FHOD3: variants seen among roughly 807,000 people sequenced by gnomAD.
The protein encoded by FHOD3 is FH1/FH2 domain-containing protein 3.
FHOD3 carries 90 observed loss-of-function variants against 173.0 expected under a neutral mutation model. The ratio of observed to expected loss-of-function variants is 0.52; its 90% confidence interval spans 0.44 to 0.62. The LOEUF (loss-of-function observed/expected upper bound fraction) is 0.62, where lower values mean the gene tolerates loss of function less well. FHOD3 is among the 20% of genes least tolerant of loss of function. The pLI is 0.00. For synonymous variants in FHOD3, 828 were observed against 823.0 expected, an observed-to-expected ratio of 1.01 and a Z score of -0.10; for missense variants, 1,945 against 2,034.7, an observed-to-expected ratio of 0.96 and a Z score of 0.85.
intron 5 of FHOD3, among the ~76,000 whole-genome samples, chr18:36,570,402 C>A (rs2058412926): frequency 1.3e-5 from 2 of 152,074 alleles, no homozygotes; most frequent in Admixed American, 1.3e-4. Flanking sequence ...ATTTAATTTG[C>A]AGTTAACCTT....
chr18:36,747,068 G>A lies in FHOD3; in HGVS notation c.4165G>A (p.Glu1389Lys), dbSNP rs777048502. Residue 1389 changes from glutamate to lysine, a missense_variant, in exon 24 of 29, where the codon GAG becomes AAG. Around this residue, in one of 5 missense-constraint regions of FHOD3, gnomAD observed 354 missense variants for 359.9 expected, o/e 0.98. Transcript: ENST00000590592. The stretch of plus-strand genomic sequence containing the variant: ...ACCAGTTTTAAAACAACGGATGTCA[G>A]AGTTCCTGAAAGACTGTGCAGAGCG... ...MKPVLKQRMS[E>K]FLKDCAERII... is the part of the protein sequence containing the mutation. 2 of 1,614,146 alleles carry A rather than the reference G, an allele frequency of 1.2e-6. No homozygotes were observed. The highest frequency in any genetic ancestry group is 1.7e-6 in the Non-Finnish European group (2 of 1,180,012).
intron 3 of FHOD3, among the ~76,000 whole-genome samples, chr18:36,434,889 G>C (rs1488784375): frequency 6.6e-6 from 1 of 151,646 alleles, no homozygotes; most frequent in African/African-American, 2.4e-5. Context: ...TAACCTTATA[G>C]CCTGCAATTT....
chr18:36,722,025 A>G (rs1001845890), intron 19 of FHOD3, among the ~76,000 whole-genome samples: 1 of 152,204 alleles, frequency 6.6e-6, no homozygotes, highest in African/African-American at 2.4e-5. Flanking sequence ...AAAAAATGAT[A>G]AGACTGAAAA....
At chr18:36,460,646 G>C (rs1407596022) in intron 3 of FHOD3, among the ~76,000 whole-genome samples, 1 of 152,220 alleles carries the variant, frequency 6.6e-6, no homozygotes, top group African/African-American at 2.4e-5. Context: ...CCAGTTGATA[G>C]ACAAGGCCCT....
intron 6 of FHOD3, among the ~76,000 whole-genome samples, chr18:36,590,501 G>A (rs2059179668): frequency 1.3e-5 from 2 of 152,228 alleles, no homozygotes; most frequent in African/African-American, 4.8e-5. Flanking sequence ...GTATGTCCTT[G>A]AAATTAGTAC....
chr18:36,716,398 G>A (rs905573495), intron 18 of FHOD3, among the ~76,000 whole-genome samples: 2 of 152,230 alleles, frequency 1.3e-5, no homozygotes, highest in Admixed American at 1.3e-4. Flanking sequence ...TGACTCTGAG[G>A]TTTTTGGAAT....
Position 36,718,143 on chromosome 18 carries a change from C to G in FHOD3, c.2845C>G (p.Leu949Val), listed in dbSNP as rs747477675. The G allele has an allele frequency of 6.2e-6, 10 of 1,607,630 alleles. No homozygotes were observed. The East Asian group carries it at 1.6e-4, about 25-fold the overall frequency. ...TGCTGAGAAATTCAACAGTGGGGAC[C>G]TGGGGAGAGGTTCCATCTCCCCTGA... The part of the protein sequence containing the change: ...AFAEKFNSGD[L>V]GRGSISPDAE... Residue 949 changes from leucine to valine, a missense_variant, in exon 19 of 29, where the codon CTG becomes GTG. Leu to Val is a conservative substitution (Grantham distance 32, BLOSUM62 1). Transcript: ENST00000590592.
intron 5 of FHOD3, among the ~76,000 whole-genome samples, chr18:36,571,471 C>A (rs2058450250): frequency 6.6e-6 from 1 of 152,214 alleles, no homozygotes; most frequent in Non-Finnish European, 1.5e-5. Flanking sequence ...TATAGATTAA[C>A]ATTATTTCCA....
intron 14 of FHOD3, among the ~76,000 whole-genome samples, chr18:36,679,684 A>AT (rs1341367931): frequency 2.0e-5 from 3 of 151,420 alleles, no homozygotes; most frequent in Admixed American, 1.3e-4. Flanking sequence ...AATTATATGG[A>AT]TTTTTTTCAA....
intron 6 of FHOD3, among the ~76,000 whole-genome samples, chr18:36,586,243 T>C (rs576541804): frequency 1.4e-4 from 21 of 152,324 alleles, no homozygotes; most frequent in African/African-American, 4.8e-4. Flanking sequence ...AAGAATCAGA[T>C]TGACCTGGGT....
At chr18:36,492,254 C>T (rs2054509523) in intron 3 of FHOD3, among the ~76,000 whole-genome samples, 1 of 152,094 alleles carries the variant, frequency 6.6e-6, no homozygotes, top group Non-Finnish European at 1.5e-5. Context: ...TCCATGTCAC[C>T]TCATCTGAAC....
intron 3 of FHOD3, among the ~76,000 whole-genome samples, chr18:36,389,782 A>C (rs776332989): frequency 6.6e-6 from 1 of 152,058 alleles, no homozygotes; most frequent in Non-Finnish European, 1.5e-5. Context: ...TGTGTCTTCT[A>C]TGCACTCCCC....
intron 13 of FHOD3, among the ~76,000 whole-genome samples, chr18:36,656,541 G>T (rs572258483): frequency 6.6e-6 from 1 of 151,992 alleles, no homozygotes; most frequent in African/African-American, 2.4e-5. Context: ...GATGCGGGTC[G>T]TATCAATATT....
At chr18:36,653,197 G>C in intron 12 of FHOD3, 145 bp from the exon 13 acceptor site, 1 of 714,582 alleles carries the variant, frequency 1.4e-6, no homozygotes, top group Non-Finnish European at 2.3e-6. Context: ...TTAAATGTAA[G>C]GTTTACATGT....
chr18:36,343,476 G>A (rs1222205990), intron 1 of FHOD3, among the ~76,000 whole-genome samples: 1 of 152,140 alleles, frequency 6.6e-6, no homozygotes, highest in Non-Finnish European at 1.5e-5. Context: ...TCCTAGTGTT[G>A]AGGGTGGGCA....
chr18:36,480,652 G>T (rs998372100), intron 3 of FHOD3, among the ~76,000 whole-genome samples: 5 of 152,188 alleles, frequency 3.3e-5, no homozygotes, highest in African/African-American at 1.2e-4. Context: ...GCCCACTGTT[G>T]TCACTAAGAT....
At chr18:36,679,024 A>G (rs1431172885) in intron 14 of FHOD3, among the ~76,000 whole-genome samples, 5 of 152,192 alleles carry the variant, frequency 3.3e-5, no homozygotes, top group Non-Finnish European at 5.9e-5. Flanking sequence ...TAGAAATCAC[A>G]TTAAAAATCT....
chr18:36,588,303 A>G (rs2059106882), intron 6 of FHOD3, among the ~76,000 whole-genome samples: 1 of 152,186 alleles, frequency 6.6e-6, no homozygotes, highest in Non-Finnish European at 1.5e-5. Context: ...CAATGTTTAA[A>G]TAAAGAGTTT....
intron 1 of FHOD3, among the ~76,000 whole-genome samples, chr18:36,333,794 C>T (rs186401312): frequency 5.1e-4 from 78 of 152,318 alleles, no homozygotes; most frequent in African/African-American, 1.9e-3. Flanking sequence ...AAGAAACCCT[C>T]CAGTGACTTA....
Sources: allele counts gnomAD v4.1 joint callset (sites outside exome capture counted in the v4.1 genomes callset), GRCh38; gene constraint gnomAD v4.1.1; regional missense constraint gnomAD v4.1.1; transcripts MANE v1.5; gene names NCBI Gene and HGNC (gene_info 2026-07-23, HGNC 2026-07-21).